NCMAP: variants seen among roughly 807,000 people sequenced by gnomAD.
NCMAP encodes the protein non-compact myelin associated protein, also known as noncompact myelin-associated protein.
In NCMAP, 8 loss-of-function variants were observed where a neutral mutation model predicts 7.8. The ratio of observed to expected loss-of-function variants is 1.02; its 90% CI spans 0.60 to 1.84. The LOEUF (loss-of-function observed/expected upper bound fraction) is 1.84, where lower values mean the gene tolerates loss of function less well. NCMAP is among the 40% of genes most tolerant of loss of function. NCMAP has a pLI of 0.00. For synonymous variants in NCMAP, 41 were observed against 52.9 expected, an observed-to-expected ratio of 0.78 and a Z score of 0.98; for missense variants, 112 against 131.4, an observed-to-expected ratio of 0.85 and a Z score of 0.72.
intron 1 of NCMAP, among the ~76,000 whole-genome samples, chr1:24,592,676 T>C (rs1652082121): frequency 6.6e-6 from 1 of 152,110 alleles, no homozygotes; most frequent in Admixed American, 6.6e-5. Flanking sequence ...CCCAGCATTT[T>C]GGGAGGCCAA....
At chr1:24,595,830 G>A (rs1466635609) in intron 2 of NCMAP, among the ~76,000 whole-genome samples, 3 of 128,954 alleles carry the variant, frequency 2.3e-5, no homozygotes, top group Non-Finnish European at 4.7e-5. Flanking sequence ...TGGAGCACAT[G>A]TCTTTACTGC....
intron 3 of NCMAP, among the ~76,000 whole-genome samples, chr1:24,603,184 C>T (rs1437628782): frequency 6.6e-6 from 1 of 151,996 alleles, no homozygotes; most frequent in Non-Finnish European, 1.5e-5. Context: ...AACAACCGCA[C>T]GAGGTGGGTA....
intron 1 of NCMAP, among the ~76,000 whole-genome samples, chr1:24,579,497 G>A (rs1042847690): frequency 6.6e-6 from 1 of 152,132 alleles, no homozygotes; most frequent in Non-Finnish European, 1.5e-5. Flanking sequence ...CAATTTGGGA[G>A]GCTGAGGCCA....
In NCMAP at chr1:24,589,191, A is replaced by G. The variant is rs182179486; in HGVS notation, c.-7-6233A>G. Reference sequence around the variant, plus strand: ...GAGTGCGGTGCCGGACACATAGCGCATTATTATTATTATTAAATTAACCTC... The same window carrying G: ...GAGTGCGGTGCCGGACACATAGCGCGTTATTATTATTATTAAATTAACCTC... On this transcript the variant is annotated intron_variant, in intron 1 of 3. Transcript: ENST00000374392. Among the ~76,000 whole-genome samples, 7 of 152,016 alleles carry G rather than the reference A, an allele frequency of 4.6e-5. No individual in the cohort carries two copies. In the East Asian group the frequency reaches 1.4e-3, roughly 29 times the overall value.
chr1:24,601,331 T>C (rs969499304), intron 3 of NCMAP, among the ~76,000 whole-genome samples: 1 of 152,212 alleles, frequency 6.6e-6, no homozygotes, highest in African/African-American at 2.4e-5. Flanking sequence ...AGACCTCTTC[T>C]CTCAGAGATC....
chr1:24,597,795 T>C (rs1465860594), intron 2 of NCMAP, among the ~76,000 whole-genome samples: 1 of 152,180 alleles, frequency 6.6e-6, no homozygotes, highest in Non-Finnish European at 1.5e-5. Context: ...CCCAGTTAAA[T>C]TTGAATTTAA....
chr1:24,602,826 G>A (rs1317237215), intron 3 of NCMAP, among the ~76,000 whole-genome samples: 2 of 151,670 alleles, frequency 1.3e-5, no homozygotes, highest in African/African-American at 2.4e-5. Context: ...AGGCTGAGGC[G>A]GGCAGATCAC....
chr1:24,574,955 T>C (rs982448709), intron 1 of NCMAP, among the ~76,000 whole-genome samples: 1 of 151,656 alleles, frequency 6.6e-6, no homozygotes, highest in Non-Finnish European at 1.5e-5. Flanking sequence ...CCATCATGCC[T>C]GGCTAATTTT....
chr1:24,560,669 A>G (rs1021446771), intron 1 of NCMAP, among the ~76,000 whole-genome samples: 30 of 151,884 alleles, frequency 2.0e-4, no homozygotes, highest in Non-Finnish European at 3.4e-4. Flanking sequence ...ACATGAGCCC[A>G]GGAGGTTGAG....
At chr1:24,563,933 A>C (rs762533599) in intron 1 of NCMAP, 2 of 152,236 alleles carry the variant, frequency 1.3e-5, no homozygotes, top group African/African-American at 4.8e-5. Context: ...AGAAAAGGCC[A>C]AATACAAGGA....
intron 2 of NCMAP, among the ~76,000 whole-genome samples, chr1:24,600,173 T>TA (rs1262852119): frequency 6.7e-6 from 1 of 150,226 alleles, no homozygotes; most frequent in Non-Finnish European, 1.5e-5. Flanking sequence ...TTTTTTGAGA[T>TA]AGAGTCTTGC....
At chr1:24,559,504 C>CT (rs1383429543) in intron 1 of NCMAP, among the ~76,000 whole-genome samples, 2 of 152,162 alleles carry the variant, frequency 1.3e-5, no homozygotes, top group African/African-American at 4.8e-5. Context: ...GGGGAGCTGG[C>CT]TAGTGGGGCT....
At chr1:24,557,838 G>A (rs1362202998) in intron 1 of NCMAP, among the ~76,000 whole-genome samples, 1 of 152,176 alleles carries the variant, frequency 6.6e-6, no homozygotes, top group Non-Finnish European at 1.5e-5. Flanking sequence ...CGCGGCGCGT[G>A]CGGTGAGCTG....
chr1:24,556,704 A>G (rs1159280754), intron 1 of NCMAP, among the ~76,000 whole-genome samples: 3 of 152,132 alleles, frequency 2.0e-5, no homozygotes, highest in Non-Finnish European at 4.4e-5. Context: ...TCGCTCATCC[A>G]GCAGCGCTCC....
rs7539229 is a variant in NCMAP at position 24,576,015 on chromosome 1, A to G, written c.-7-19409A>G. 0.15 allele frequency among the ~76,000 whole-genome samples: 22,817 copies of G among 151,416 alleles called. 2,576 individuals are homozygous for G. Among genetic ancestry groups the G allele is most frequent in the African/African-American group, 0.32 (13,240 of 41,256 alleles). On this transcript the variant is annotated intron_variant, in intron 1 of 3. Coordinates refer to ENST00000374392, the MANE Select transcript of NCMAP (RefSeq NM_001010980.5). The surrounding 1 kb of genome is among the most constrained non-coding windows in gnomAD (Gnocchi z 4.0). ...AACTTGGCTAGTTAGTGAAGGAGTC[A>G]GAACTAGCTCCCTCATCCTGATCCT...
At chr1:24,566,054 T>C (rs1651220062) in intron 1 of NCMAP, among the ~76,000 whole-genome samples, 1 of 152,154 alleles carries the variant, frequency 6.6e-6, no homozygotes. Flanking sequence ...GTTCCCCTTC[T>C]CCTTCCTCCA....
intron 1 of NCMAP, among the ~76,000 whole-genome samples, 157 bp from the exon 2 acceptor site, chr1:24,595,267 C>T (rs12354378): frequency 0.2 from 31,045 of 152,106 alleles, 3,322 homozygotes; most frequent in African/African-American, 0.25. Flanking sequence ...TCCCCACCCA[C>T]GGTATCTAAT....
chr1:24,592,410 G>T (rs914688016), intron 1 of NCMAP, among the ~76,000 whole-genome samples: 4 of 152,072 alleles, frequency 2.6e-5, no homozygotes, highest in Admixed American at 2.0e-4. Context: ...GTGCCACGTT[G>T]ATATTTAATA....
rs1270820660 is a variant in NCMAP, at chr1:24,581,265, C to T, written c.-7-14159C>T. The stretch of plus-strand genomic sequence containing the variant: ...CCAAACAGCTGAAATTACAGGCACC[C>T]GCCACCACGACTGGCTAATTTTTGT... On this transcript the variant is annotated intron_variant, in intron 1 of 3. Coordinates refer to ENST00000374392, the MANE Select transcript of NCMAP (RefSeq NM_001010980.5). Among the ~76,000 whole-genome samples, 5 of 151,988 alleles carry T rather than the reference C, an allele frequency of 3.3e-5. No individual in the cohort carries two copies. In the South Asian group the frequency reaches 6.2e-4, roughly 19 times the overall value.
Sources: gnomAD v4.1 joint callset for allele counts (sites outside exome capture counted in the v4.1 genomes callset) on GRCh38, gnomAD v4.1.1 for gene constraint, Gnocchi (gnomAD v3.1) non-coding constraint, MANE v1.5 for transcripts, NCBI Gene and HGNC (gene_info 2026-07-23, HGNC 2026-07-21) for gene names.